Variants in MAP3K5 observed in about 807,000 individuals in gnomAD.
MAP3K5 encodes the protein mitogen-activated protein kinase kinase kinase 5.
MAP3K5 carries 56 observed loss-of-function variants against 158.7 expected under a neutral mutation model. The ratio of observed to expected loss-of-function variants is 0.35; its 90% CI spans 0.28 to 0.44. The LOEUF (loss-of-function observed/expected upper bound fraction) is 0.44, where lower values mean the gene tolerates loss of function less well. MAP3K5 is among the 20% of genes least tolerant of loss of function. The probability of loss-of-function intolerance (pLI) is 1.00; values close to 1 mark genes in which losing one functional copy is unlikely to be tolerated. For missense variants in MAP3K5, 1,294 were observed against 1,674.8 expected (o/e 0.77, Z 3.97); for synonymous variants, 579 against 601.7 (o/e 0.96, Z 0.55).
intron 1 of MAP3K5, among the ~76,000 whole-genome samples, chr6:136,788,311 A>C (rs1423392651): frequency 1.3e-5 from 2 of 152,228 alleles, no homozygotes; most frequent in African/African-American, 4.8e-5. Context: ...GTAAGACCTC[A>C]AACCATAAGA....
chr6:136,687,283 T>A (rs1780189677), intron 7 of MAP3K5, among the ~76,000 whole-genome samples: 1 of 152,104 alleles, frequency 6.6e-6, no homozygotes, highest in Non-Finnish European at 1.5e-5. Flanking sequence ...TCAAGATGGA[T>A]TAAAGACTTA....
chr6:136,755,692 A>G lies in MAP3K5; in HGVS notation c.449-35103T>C, dbSNP rs1277663396. 5.6e-4 allele frequency among the ~76,000 whole-genome samples: 81 copies of G among 145,094 alleles called. 2 individuals carry two copies. The highest frequency in any genetic ancestry group is 3.6e-3 in the Middle Eastern group (1 of 278). On this transcript the variant is annotated intron_variant, in intron 1 of 29. Coordinates refer to ENST00000359015, the MANE Select transcript of MAP3K5 (RefSeq NM_005923.4). ...TGACAGAGCAAGACTCTGTCTCCAAAAAAAAAAAAAAAAAAAAGTTAAAGT... is the reference window on the plus strand; with the variant it reads ...TGACAGAGCAAGACTCTGTCTCCAAGAAAAAAAAAAAAAAAAAGTTAAAGT...
intron 1 of MAP3K5, among the ~76,000 whole-genome samples, chr6:136,790,102 G>A (rs993946659): frequency 6.6e-6 from 1 of 152,144 alleles, no homozygotes; most frequent in Non-Finnish European, 1.5e-5. Context: ...CACCTAAGAA[G>A]GTAAGTACTT....
At chr6:136,755,147 A>G (rs1388385317) in intron 1 of MAP3K5, among the ~76,000 whole-genome samples, 3 of 152,104 alleles carry the variant, frequency 2.0e-5, no homozygotes, top group Non-Finnish European at 4.4e-5. Context: ...CATGAAAAAA[A>G]AACCTTTAAT....
chr6:136,785,404 G>T (rs2115055926), intron 1 of MAP3K5, among the ~76,000 whole-genome samples: 1 of 152,304 alleles, frequency 6.6e-6, no homozygotes, highest in African/African-American at 2.4e-5. Flanking sequence ...TGTTACCTAT[G>T]ATTGCTACAG....
chr6:136,643,584 G>A (rs760499558), intron 11 of MAP3K5, among the ~76,000 whole-genome samples: 9 of 152,286 alleles, frequency 5.9e-5, no homozygotes, highest in Admixed American at 1.3e-4. Context: ...ACTCAAAAGC[G>A]ACAATTTATA....
chr6:136,774,468 C>A (rs1335039886), intron 1 of MAP3K5, among the ~76,000 whole-genome samples: 1 of 151,944 alleles, frequency 6.6e-6, no homozygotes, highest in Non-Finnish European at 1.5e-5. Context: ...TTTTAAAAAA[C>A]AACAACAACA....
At position 136,562,521 on chromosome 6, in the gene MAP3K5, G is replaced by A. The variant is rs756409475; in HGVS notation, c.3856C>T (p.Leu1286Phe). 4.2e-5 allele frequency: 67 copies of A among 1,594,202 alleles called. No homozygotes were observed. The highest frequency in any genetic ancestry group is 1.2e-4 in the South Asian group (11 of 89,626). ...EKDQEIKHLKLKSQPIEIPEL... is the reference protein window; with the variant it reads ...EKDQEIKHLKFKSQPIEIPEL... ...TATTCACCTATGGGTTGGGACTTAA[G>A]CTTCAGGTGTTTAATTTCTTGGTCT... is the stretch of plus-strand genomic sequence containing the variant. The change falls in exon 27 of 30, where the codon CTT (leucine) becomes TTT (phenylalanine). Residue 1286 changes from leucine (L) to phenylalanine (F), a missense_variant. By Grantham distance (22) the Leu-to-Phe change is conservative (BLOSUM62 0). Around this residue, in one of 5 missense-constraint regions of MAP3K5, gnomAD observed 199 missense variants for 220.3 expected, o/e 0.90. Transcript: ENST00000359015.
chr6:136,584,831 G>A (rs1000757643), intron 23 of MAP3K5, among the ~76,000 whole-genome samples: 41 of 152,222 alleles, frequency 2.7e-4, no homozygotes, highest in South Asian at 8.3e-4. Context: ...TGTGAGACTC[G>A]GCTAGGCACT....
chr6:136,720,625 A>C (rs748799766), intron 1 of MAP3K5, 36 bp from the exon 2 acceptor site: 10 of 1,560,930 alleles, frequency 6.4e-6, no homozygotes. Context: ...AAAGAATGAC[A>C]CCCAAATAAT....
intron 4 of MAP3K5, 151 bp from the exon 5 acceptor site, chr6:136,697,538 T>C: frequency 1.9e-6 from 1 of 539,018 alleles, no homozygotes; most frequent in Non-Finnish European, 3.1e-6. Flanking sequence ...ATAAATATCT[T>C]ACATATCTGG....
chr6:136,750,586 G>A (rs769514498), intron 1 of MAP3K5, among the ~76,000 whole-genome samples: 17 of 152,270 alleles, frequency 1.1e-4, no homozygotes, highest in Admixed American at 3.3e-4. Flanking sequence ...TCAAATTACC[G>A]TTTCGACAAG....
intron 15 of MAP3K5, among the ~76,000 whole-genome samples, chr6:136,621,625 C>T (rs1179694906): frequency 6.6e-6 from 1 of 152,142 alleles, no homozygotes; most frequent in Non-Finnish European, 1.5e-5. Flanking sequence ...TGCCCCTGGG[C>T]TGTGAATTTT....
At chr6:136,755,266 C>T (rs1783424857) in intron 1 of MAP3K5, among the ~76,000 whole-genome samples, 2 of 152,158 alleles carry the variant, frequency 1.3e-5, no homozygotes. Context: ...TCCCTGGCTT[C>T]CTCCTAGATC....
At position 136,585,473 on chromosome 6, in the gene MAP3K5, C is replaced by CTTTATTTATTTA. The variant is rs554195273; in HGVS notation, c.3226-1745_3226-1734dup. On this transcript the variant is annotated intron_variant, in intron 23 of 29. Coordinates refer to ENST00000359015, the MANE Select transcript of MAP3K5 (RefSeq NM_005923.4). ...CATATTGCTTCCTTTCTTTTCTTTT[C>CTTTATTTATTTA]TTTATTTATTTATTTATTTATTTAT... Among the ~76,000 whole-genome samples the CTTTATTTATTTA allele has an allele frequency of 8.8e-4, 119 of 135,146 alleles. 3 individuals carry two copies. Among genetic ancestry groups the CTTTATTTATTTA allele is most frequent in the African/African-American group, 1.2e-3 (43 of 36,776 alleles). The allele number at this position is 135,146 out of a possible 152,430, so 88.7% of individuals were successfully genotyped here.
intron 7 of MAP3K5, 138 bp downstream of exon 7, chr6:136,694,002 A>C: frequency 1.5e-6 from 1 of 650,624 alleles, no homozygotes; most frequent in South Asian, 2.8e-5. Flanking sequence ...ATAAAATAAA[A>C]TAAAATAAAA....
intron 1 of MAP3K5, among the ~76,000 whole-genome samples, chr6:136,753,902 G>C (rs6908753): frequency 1.3e-5 from 2 of 152,122 alleles, no homozygotes; most frequent in Non-Finnish European, 2.9e-5. Flanking sequence ...CTGAAGTGAC[G>C]AGCGCATTTC....
At chr6:136,771,423 A>G (rs1317044449) in intron 1 of MAP3K5, among the ~76,000 whole-genome samples, 1 of 152,066 alleles carries the variant, frequency 6.6e-6, no homozygotes, top group African/African-American at 2.4e-5. Context: ...CAACAACAAA[A>G]TGACATGCCC....
At chr6:136,616,059 T>C (rs1039200341) in intron 15 of MAP3K5, among the ~76,000 whole-genome samples, 1 of 152,192 alleles carries the variant, frequency 6.6e-6, no homozygotes, top group Non-Finnish European at 1.5e-5. Flanking sequence ...TTATTCTTTT[T>C]TTCTTTAGAA....
Sources: allele counts gnomAD v4.1 joint callset (sites outside exome capture counted in the v4.1 genomes callset), GRCh38; gene constraint gnomAD v4.1.1; regional missense constraint gnomAD v4.1.1; transcripts MANE v1.5; gene names NCBI Gene and HGNC (gene_info 2026-07-23, HGNC 2026-07-21).